Variants in RIMS2 observed in about 807,000 individuals in gnomAD.
RIMS2 encodes the protein regulating synaptic membrane exocytosis 2.
In RIMS2, 59 loss-of-function variants were observed where a neutral mutation model predicts 174.4. The ratio of observed to expected loss-of-function variants is 0.34; its 90% confidence interval spans 0.27 to 0.42. The LOEUF (loss-of-function observed/expected upper bound fraction) is 0.42, where lower values mean the gene tolerates loss of function less well. RIMS2 is among the 10% of genes least tolerant of loss of function. The pLI, the probability that RIMS2 is intolerant of heterozygous loss-of-function variation, is 1.00. For missense variants in RIMS2, 1,620 were observed against 1,666.3 expected (o/e 0.97, Z 0.48); for synonymous variants, 606 against 572.5 (o/e 1.06, Z -0.84).
chr8:104,144,852 G>A (rs762375858), intron 19 of RIMS2, among the ~76,000 whole-genome samples: 6 of 151,498 alleles, frequency 4.0e-5, no homozygotes, highest in African/African-American at 9.7e-5. Flanking sequence ...ACTATTTTTG[G>A]ATTTCTGTGA....
chr8:103,888,626 T>G (rs1404042825), intron 4 of RIMS2, among the ~76,000 whole-genome samples: 2 of 151,628 alleles, frequency 1.3e-5, no homozygotes, highest in African/African-American at 4.8e-5. Context: ...AATGTATCAA[T>G]TCAGTGCTTG....
chr8:103,971,819 C>T (rs1259378008), intron 15 of RIMS2, among the ~76,000 whole-genome samples: 1 of 152,208 alleles, frequency 6.6e-6, no homozygotes, highest in Non-Finnish European at 1.5e-5. Flanking sequence ...GATCTTCCCA[C>T]CTTGGCCTCC....
intron 19 of RIMS2, chr8:104,093,627 G>A (rs2097701232): frequency 3.8e-6 from 6 of 1,593,646 alleles, no homozygotes; most frequent in East Asian, 2.2e-5. Flanking sequence ...ACGCCCAGGA[G>A]GAAACAAGAA....
chr8:103,575,974 C>T (rs1483321706), intron 1 of RIMS2, among the ~76,000 whole-genome samples: 2 of 152,170 alleles, frequency 1.3e-5, no homozygotes, highest in African/African-American at 4.8e-5. Flanking sequence ...TGCCTCAACC[C>T]AGGGGAAACA....
intron 14 of RIMS2, among the ~76,000 whole-genome samples, chr8:103,950,259 T>C (rs2085004128): frequency 6.6e-6 from 1 of 152,102 alleles, no homozygotes; most frequent in African/African-American, 2.4e-5. Flanking sequence ...GGGAATACCA[T>C]CCAGCTCATT....
At chr8:103,683,873 C>T (rs1590258808) in intron 1 of RIMS2, among the ~76,000 whole-genome samples, 1 of 152,124 alleles carries the variant, frequency 6.6e-6, no homozygotes, top group Middle Eastern at 3.4e-3. Context: ...GTGAGATTAT[C>T]AGGGAAAAGC....
rs71575983 is a variant in RIMS2, at chr8:103,756,979, CTGTGTGTGTG to C, written c.388-9225_388-9216del. ...TCCTTTCTCGTATGTGTGTGTGTGTCTGTGTGTGTGTGTGTGTGTGTGTGTGTGTGTGAGA... is the reference window on the plus strand; with the variant it reads ...TCCTTTCTCGTATGTGTGTGTGTGTCTGTGTGTGTGTGTGTGTGTGTGAGA... On this transcript the variant is annotated intron_variant, in intron 2 of 23. Transcript: ENST00000504942. Among the ~76,000 whole-genome samples the C allele has an allele frequency of 4.6e-3, 622 of 135,032 alleles. 4 individuals are homozygous for C. The highest frequency in any genetic ancestry group is 0.016 in the African/African-American group (573 of 36,530). 88.6% of individuals were successfully genotyped at this position (135,032 alleles called of 152,430 possible).
chr8:104,201,744 A>G (rs1302852138), intron 19 of RIMS2, among the ~76,000 whole-genome samples: 1 of 152,158 alleles, frequency 6.6e-6, no homozygotes, highest in Non-Finnish European at 1.5e-5. Context: ...TTCTTTGGTG[A>G]TTTGAACGAG....
chr8:104,018,880 TTCTCCC>T (rs1458741426), intron 19 of RIMS2, among the ~76,000 whole-genome samples: 2 of 152,210 alleles, frequency 1.3e-5, no homozygotes, highest in African/African-American at 4.8e-5. Context: ...CAATCATAAT[TTCTCCC>T]CATCTTTCTA....
intron 3 of RIMS2, among the ~76,000 whole-genome samples, chr8:103,797,044 T>G (rs944530045): frequency 7.9e-5 from 12 of 152,290 alleles, no homozygotes; most frequent in African/African-American, 2.9e-4. Flanking sequence ...TTGCTTAAGA[T>G]TTAGTTAAGA....
intron 19 of RIMS2, among the ~76,000 whole-genome samples, chr8:104,171,960 G>C (rs1040478234): frequency 1.3e-5 from 2 of 152,268 alleles, no homozygotes; most frequent in African/African-American, 4.8e-5. Context: ...TTTCCCAAAT[G>C]CTGCTTGTAG....
Position 103,564,667 on chromosome 8 carries a change from G to A in RIMS2, c.176+63605G>A, listed in dbSNP as rs544433880. ...TGGGAGAAAGATGAAGTCCAGAAGC[G>A]TTGGCCAGTCTAGTCCTTCCACGTT... On this transcript the variant is annotated intron_variant, in intron 1 of 23. Transcript: ENST00000504942. 8.5e-5 allele frequency among the ~76,000 whole-genome samples: 13 copies of A among 152,282 alleles called. No individual in the cohort carries two copies. In the South Asian group the frequency reaches 1.0e-3, roughly 12 times the overall value.
chr8:103,583,326 G>A (rs959893885), intron 1 of RIMS2, among the ~76,000 whole-genome samples: 1 of 152,056 alleles, frequency 6.6e-6, no homozygotes, highest in African/African-American at 2.4e-5. Context: ...CTACAAATAA[G>A]CCTAGATAGT....
intron 1 of RIMS2, among the ~76,000 whole-genome samples, chr8:103,587,463 AG>A (rs2094010164): frequency 9.7e-6 from 1 of 102,912 alleles, no homozygotes; most frequent in African/African-American, 3.9e-5. Flanking sequence ...AAAGAAAGAA[AG>A]AAAGAAACTA....
intron 19 of RIMS2, among the ~76,000 whole-genome samples, chr8:104,159,482 T>C (rs949762300): frequency 2.0e-5 from 3 of 152,188 alleles, no homozygotes; most frequent in African/African-American, 7.2e-5. Context: ...TAAATTACCT[T>C]GGGCAGGCCA....
chr8:103,572,677 ATGTT>A (rs1244918128), intron 1 of RIMS2, among the ~76,000 whole-genome samples: 1 of 151,116 alleles, frequency 6.6e-6, no homozygotes, highest in Non-Finnish European at 1.5e-5. Context: ...TTTTTTTCAT[ATGTT>A]TGTTGTCCAC....
At position 104,147,595 on chromosome 8, in the gene RIMS2, ATTC is replaced by A. The variant is rs528310438; in HGVS notation, c.3335-97318_3335-97316del. On this transcript the variant is annotated intron_variant, in intron 19 of 23. Transcript: ENST00000504942. ...AAGATATTTCTGTTTCTTGATTTTT[ATTC>A]TTTTTTATTACTTTATGTATTAAAC... Among the ~76,000 whole-genome samples the A allele has an allele frequency of 3.2e-4, 49 of 152,044 alleles. No homozygotes were observed. In the South Asian group the frequency reaches 1.0e-2, roughly 31 times the overall value.
intron 19 of RIMS2, among the ~76,000 whole-genome samples, chr8:104,017,164 T>C (rs969494046): frequency 2.0e-5 from 3 of 151,898 alleles, no homozygotes; most frequent in African/African-American, 7.2e-5. Context: ...ATATATAATA[T>C]CTCTTTTAGA....
intron 1 of RIMS2, among the ~76,000 whole-genome samples, chr8:103,608,878 T>G (rs368443813): frequency 6.6e-6 from 1 of 152,314 alleles, no homozygotes; most frequent in Non-Finnish European, 1.5e-5. Flanking sequence ...CCCACTGACC[T>G]GCGCCCACTG....
Sources: gnomAD v4.1 joint callset for allele counts (sites outside exome capture counted in the v4.1 genomes callset) on GRCh38, gnomAD v4.1.1 for gene constraint, MANE v1.5 for transcripts, NCBI Gene and HGNC (gene_info 2026-07-23, HGNC 2026-07-21) for gene names.